Variants in MRNIP observed in about 807,000 individuals in gnomAD.
The protein encoded by MRNIP is MRN complex-interacting protein.
Under a neutral mutation model 29.8 loss-of-function variants are expected in MRNIP, and 30 were observed. The ratio of observed to expected loss-of-function variants is 1.01; its 90% confidence interval spans 0.75 to 1.36. The LOEUF (loss-of-function observed/expected upper bound fraction) is 1.36, where lower values mean the gene tolerates loss of function less well. Ranked by LOEUF, MRNIP falls within the 40% of genes most tolerant of loss-of-function variation. The pLI, the probability that MRNIP is intolerant of heterozygous loss-of-function variation, is 0.00. For synonymous variants in MRNIP, 201 were observed against 164.1 expected (o/e 1.23, Z -1.72); for missense variants, 459 against 423.5 (o/e 1.08, Z -0.74).
At position 179,842,041 on chromosome 5, in the gene MRNIP, ACTCT is replaced by A. The variant is rs756125209; in HGVS notation, c.311_314del (p.Glu104ValfsTer4). ...CCTTTTCTAGATACTTCAGCCAGCG[ACTCT>A]CTGAGGGCTGCGATTTTTCCTGCCA... is the stretch of plus-strand genomic sequence containing the variant. On this transcript the variant is annotated frameshift_variant, in exon 5 of 7. Coordinates refer to ENST00000292586, the MANE Select transcript of MRNIP (RefSeq NM_016175.4). LOFTEE classifies it high-confidence loss of function. The A allele has an allele frequency of 6.2e-7, 1 of 1,613,232 alleles. No homozygotes were observed. The highest frequency in any genetic ancestry group is 8.5e-7 in the Non-Finnish European group (1 of 1,179,828).
intron 2 of MRNIP, among the ~76,000 whole-genome samples, chr5:179,851,839 G>A (rs1199462285): frequency 3.3e-5 from 5 of 152,098 alleles, no homozygotes; most frequent in East Asian, 1.9e-4. Flanking sequence ...TTAGCCGGGC[G>A]TGGTGGTGGG....
intron 6 of MRNIP, 81 bp downstream of exon 6, chr5:179,840,791 C>T (rs1048777872): frequency 1.4e-5 from 15 of 1,076,096 alleles, no homozygotes; most frequent in Middle Eastern, 2.0e-4. Context: ...TCGCACACTT[C>T]GTCAACTGTG....
chr5:179,843,778 A>C (rs1408568500), intron 4 of MRNIP, among the ~76,000 whole-genome samples: 1 of 152,078 alleles, frequency 6.6e-6, no homozygotes, highest in East Asian at 1.9e-4. Flanking sequence ...AACAGCTTGC[A>C]GTCTGGAACA....
Position 179,840,856 on chromosome 5 carries a change from ACT to A in MRNIP, c.537+14_537+15del, listed in dbSNP as rs779835948. On this transcript the variant is annotated intron_variant, in intron 6 of 6. Transcript: ENST00000292586. ...CAGTGGTCACTGGGACCAGAGAGAA[ACT>A]GTTTGTCACTGACCTTCTGGGGTCC... The A allele has an allele frequency of 7.8e-5, 122 of 1,572,514 alleles. 1 individual carries two copies. Among genetic ancestry groups the A allele is most frequent in the Non-Finnish European group, 9.3e-5 (107 of 1,145,754 alleles).
intron 4 of MRNIP, among the ~76,000 whole-genome samples, chr5:179,842,598 G>A (rs1405693953): frequency 6.7e-6 from 1 of 149,564 alleles, no homozygotes; most frequent in Non-Finnish European, 1.5e-5. Flanking sequence ...TACTCAGGAG[G>A]CTGAGGCAGG....
chr5:179,839,829 A>T (rs1758799864), intron 6 of MRNIP: 1 of 152,444 alleles, frequency 6.6e-6, no homozygotes, highest in African/African-American at 2.4e-5. Flanking sequence ...GCTGGACTGG[A>T]AGCTTCAAGA....
At chr5:179,856,422 T>A (rs1010802278) in intron 1 of MRNIP, among the ~76,000 whole-genome samples, 2 of 152,160 alleles carry the variant, frequency 1.3e-5, no homozygotes, top group African/African-American at 4.8e-5. Context: ...CGACTTGCAA[T>A]TAAAATTAAA....
intron 1 of MRNIP, among the ~76,000 whole-genome samples, chr5:179,854,845 A>G (rs1759514298): frequency 6.6e-6 from 1 of 152,196 alleles, no homozygotes; most frequent in Non-Finnish European, 1.5e-5. Flanking sequence ...ACCTGACTAG[A>G]TGTGTTCTCT....
rs574873775 is a variant in MRNIP, at chr5:179,840,773, GGTAGGAATCGCAC to G, written c.537+86_537+98del. The G allele has an allele frequency of 1.0e-3, 926 of 911,100 alleles. 9 individuals are homozygous for G. Among genetic ancestry groups the G allele is most frequent in the Middle Eastern group, 5.5e-3 (26 of 4,688 alleles). 56.4% of individuals were successfully genotyped at this position (911,100 alleles called of 1,614,324 possible). On this transcript the variant is annotated intron_variant, in intron 6 of 6. Transcript: ENST00000292586. Reference sequence around the variant, plus strand: ...CGGGTGGGAAGATGGGCTTTCTGCGGGTAGGAATCGCACACTTCGTCAACTGTGACAAAAGACA... The same window carrying G: ...CGGGTGGGAAGATGGGCTTTCTGCGGACTTCGTCAACTGTGACAAAAGACA...
intron 1 of MRNIP, among the ~76,000 whole-genome samples, chr5:179,854,855 T>C (rs1759514792): frequency 6.6e-6 from 1 of 152,204 alleles, no homozygotes; most frequent in Non-Finnish European, 1.5e-5. Context: ...ATGTGTTCTC[T>C]CTTAACATAT....
At chr5:179,852,067 G>C (rs2890061) in intron 2 of MRNIP, among the ~76,000 whole-genome samples, 1,833 of 152,094 alleles carry the variant, frequency 0.012, 32 homozygotes, top group African/African-American at 0.042. Context: ...GATCATTTGA[G>C]GTCAGGAGTT....
intron 3 of MRNIP, 115 bp downstream of exon 3, chr5:179,847,862 TG>T: frequency 1.4e-6 from 1 of 723,820 alleles, no homozygotes; most frequent in Non-Finnish European, 2.4e-6. Flanking sequence ...AGCAGGGACC[TG>T]GGGCAGGTCC....
At chr5:179,846,844 G>A (rs1021098880) in intron 3 of MRNIP, among the ~76,000 whole-genome samples, 2 of 152,078 alleles carry the variant, frequency 1.3e-5, no homozygotes, top group Admixed American at 1.3e-4. Flanking sequence ...GTACACCGAG[G>A]GTGTAGTCCT....
chr5:179,848,371 C>A (rs574781546), intron 2 of MRNIP, among the ~76,000 whole-genome samples: 5 of 152,190 alleles, frequency 3.3e-5, no homozygotes, highest in Non-Finnish European at 7.3e-5. Context: ...GTAAAAAGGT[C>A]ACAAGAGAAG....
chr5:179,856,581 T>C (rs1759590723), intron 1 of MRNIP, among the ~76,000 whole-genome samples: 1 of 152,202 alleles, frequency 6.6e-6, no homozygotes, highest in Non-Finnish European at 1.5e-5. Context: ...GCGATTCTCC[T>C]GCCTCAGCGA....
At chr5:179,842,595 G>A (rs13436463) in intron 4 of MRNIP, among the ~76,000 whole-genome samples, 205 of 149,674 alleles carry the variant, frequency 1.4e-3, no homozygotes, top group African/African-American at 4.9e-3. Flanking sequence ...AGCTACTCAG[G>A]AGGCTGAGGC....
chr5:179,853,386 A>C lies in MRNIP; in HGVS notation c.118T>G (p.Phe40Val), dbSNP rs778282264. The change falls in exon 2 of 7, where the codon TTT becomes GTT. Residue 40 changes from phenylalanine (F) to valine (V), a missense_variant. Phe to Val is a conservative substitution (Grantham distance 50). Transcript: ENST00000292586. ...TCKACGEKQS[F>V]LQAYGEGSGA... ...TGTTTTGTAGGACTCACCTGCAAAAAGGACTGCTTCTCTCCACAAGCTTTG... is the reference window on the plus strand; with the variant it reads ...TGTTTTGTAGGACTCACCTGCAAAACGGACTGCTTCTCTCCACAAGCTTTG... The C allele has an allele frequency of 1.4e-5, 23 of 1,613,070 alleles. No homozygotes were observed. Among genetic ancestry groups the C allele is most frequent in the Non-Finnish European group, 1.9e-5 (23 of 1,179,722 alleles).
chr5:179,854,106 C>T (rs540967838), intron 1 of MRNIP, among the ~76,000 whole-genome samples: 25 of 151,690 alleles, frequency 1.6e-4, no homozygotes, highest in African/African-American at 6.0e-4. Context: ...CTGCAAGCTC[C>T]CCCTCCCGGG....
chr5:179,843,041 A>AGAAAGAAG (rs1758967354), intron 4 of MRNIP, among the ~76,000 whole-genome samples: 1 of 106,202 alleles, frequency 9.4e-6, no homozygotes, highest in African/African-American at 4.5e-5. Flanking sequence ...AAAGGAGGAA[A>AGAAAGAAG]GAAGGAAGGA....
Sources: allele counts gnomAD v4.1 joint callset (sites outside exome capture counted in the v4.1 genomes callset), GRCh38; gene constraint gnomAD v4.1.1; transcripts MANE v1.5; gene names NCBI Gene and HGNC (gene_info 2026-07-23, HGNC 2026-07-21).